Variants in CHD2 observed in about 807,000 individuals in gnomAD.
The protein encoded by CHD2 is chromodomain helicase DNA binding protein 2, also known as ATP-dependent chromatin remodeler CHD2.
Under a neutral mutation model 243.9 loss-of-function variants are expected in CHD2, and 28 were observed. The observed-to-expected ratio is 0.11, with a 90% CI of 0.09 to 0.16. The LOEUF is 0.16. Among genes scored for constraint, CHD2 ranks in the 10% least tolerant of loss-of-function variants. The probability of loss-of-function intolerance (pLI) is 1.00; values close to 1 mark genes in which losing one functional copy is unlikely to be tolerated. For synonymous variants in CHD2, 775 were observed against 779.0 expected (o/e 0.99, Z 0.09); for missense variants, 1,386 against 2,209.8 (o/e 0.63, Z 7.47).
At chr15:92,963,879 G>A (rs1449328456) in intron 16 of CHD2, among the ~76,000 whole-genome samples, 1 of 152,168 alleles carries the variant, frequency 6.6e-6, no homozygotes, top group Non-Finnish European at 1.5e-5. Flanking sequence ...GACACAGTGG[G>A]AACATCTGTG....
rs193017374 is a variant in CHD2 at position 92,939,972 on chromosome 15, A to G, written c.692+254A>G. ...ACACCACAAGTTCGTGTCCTGTCCA[A>G]TGGTGACTTAGTGGCATTATCTTCA... On this transcript the variant is annotated intron_variant, in intron 7 of 38. Coordinates refer to ENST00000394196, the MANE Select transcript of CHD2 (RefSeq NM_001271.4). Among the ~76,000 whole-genome samples, 33 of 152,320 alleles carry G rather than the reference A, an allele frequency of 2.2e-4. No individual in the cohort carries two copies. In the East Asian group the frequency reaches 2.3e-3, roughly 11 times the overall value.
intron 34 of CHD2, among the ~76,000 whole-genome samples, chr15:93,005,413 T>C (rs1452519914): frequency 6.6e-6 from 1 of 152,096 alleles, no homozygotes; most frequent in African/African-American, 2.4e-5. Flanking sequence ...TCAAGGTCCC[T>C]TTGCCCCTGG....
In CHD2 at chr15:92,941,750, G is replaced by C; in HGVS notation, c.693-72G>C. The C allele has an allele frequency of 2.7e-6, 4 of 1,458,738 alleles. No homozygotes were observed. The South Asian group carries it at 4.9e-5, about 18-fold the overall frequency. 90.4% of individuals were successfully genotyped at this position (1,458,738 alleles called of 1,614,324 possible). On this transcript the variant is annotated intron_variant, in intron 7 of 38. Coordinates refer to ENST00000394196, the MANE Select transcript of CHD2 (RefSeq NM_001271.4). ...CAAAAGGGTATGGTTTCTTATTCTA[G>C]TGACGGTTATGTGTGGCAGTTTAAT...
In CHD2 at chr15:92,900,721, T is replaced by TC; in HGVS notation, c.-174dup. 1 of 398,030 alleles carries TC rather than the reference T, an allele frequency of 2.5e-6. No homozygotes were observed. The highest frequency in any genetic ancestry group is 6.3e-4 in the Middle Eastern group (1 of 1,588). 24.7% of individuals were successfully genotyped at this position (398,030 alleles called of 1,614,324 possible). A position where few individuals can be genotyped will look rare whatever the true frequency, so the allele number is the denominator to read the frequency against. ...ATTTGAGGGTTATTTTATTTATTTT[T>TC]CGTTTTTTAACGGAGGATTTTGCCT... On this transcript the variant is annotated 5_prime_UTR_variant, in exon 1 of 39. Transcript: ENST00000394196.
intron 26 of CHD2, 77 bp downstream of exon 26, chr15:92,985,750 A>G: frequency 6.9e-7 from 1 of 1,454,452 alleles, no homozygotes; most frequent in African/African-American, 1.4e-5. Context: ...GATCCTGGAC[A>G]TCGTGACAGG....
At chr15:92,965,184 C>A (rs2053740505) in intron 16 of CHD2, 1 of 152,106 alleles carries the variant, frequency 6.6e-6, no homozygotes, top group African/African-American at 2.4e-5. Context: ...TTATACATCA[C>A]CACTATGACC....
At chr15:93,008,179 C>T (rs1048780370) in intron 34 of CHD2, among the ~76,000 whole-genome samples, 2 of 152,204 alleles carry the variant, frequency 1.3e-5, no homozygotes, top group African/African-American at 4.8e-5. Flanking sequence ...AGGCCTGGCT[C>T]CATCCACTCT....
rs750508601 is a variant in CHD2 at position 92,946,018 on chromosome 15, A to AT, written c.1199-12dup. On this transcript the variant is annotated intron_variant, in intron 11 of 38. Transcript: ENST00000394196. The stretch of plus-strand genomic sequence containing the variant: ...TTAATTGACAGTTGCTAATCTATAA[A>AT]TTTTTTTTATATGAAATAGCTCATA... 8.4e-6 allele frequency: 13 copies of AT among 1,542,726 alleles called. No individual in the cohort carries two copies. The highest frequency in any genetic ancestry group is 1.9e-4 in the Middle Eastern group (1 of 5,404).
At chr15:92,993,385 CA>C (rs779530683) in intron 28 of CHD2, 2 of 163,146 alleles carry the variant, frequency 1.2e-5, no homozygotes, top group Non-Finnish European at 2.7e-5. Context: ...TGCGTTATGG[CA>C]AACACAAAGG....
chr15:92,942,959 T>C lies in CHD2; in HGVS notation c.943T>C (p.Ser315Pro), dbSNP rs138279266. ...IQYLIKWKGW[S>P]YIHSTWESEE... ...GTACCTCATCAAGTGGAAGGGTTGG[T>C]CTTACATCCACAGCACATGGGAGAG... The change falls in exon 9 of 39, where the codon TCT (serine) becomes CCT (proline). Residue 315 changes from serine to proline, a missense_variant. Ser to Pro is a moderately conservative substitution (Grantham distance 74). This residue lies in a region of CHD2 where 200 missense variants were observed against 292.5 expected (regional missense o/e 0.68). Coordinates refer to ENST00000394196, the MANE Select transcript of CHD2 (RefSeq NM_001271.4). 1.2e-6 allele frequency: 2 copies of C among 1,614,066 alleles called. No individual in the cohort carries two copies. Among genetic ancestry groups the C allele is most frequent in the Non-Finnish European group, 1.7e-6 (2 of 1,179,962 alleles).
chr15:93,026,251 A>T lies in CHD2; in HGVS notation c.*1546A>T, dbSNP rs2054585974. The T allele has an allele frequency of 6.6e-6, 1 of 152,654 alleles. No homozygotes were observed. The highest frequency in any genetic ancestry group is 1.5e-5 in the Non-Finnish European group (1 of 68,044). 9.5% of individuals were successfully genotyped at this position (152,654 alleles called of 1,614,324 possible). ...AAGTGTCCAGGCTCAGAGCTGGTGA[A>T]AACCCTTCTGTTGGGCGTGTGCAGG... On this transcript the variant is annotated 3_prime_UTR_variant, in exon 39 of 39. Coordinates refer to ENST00000394196, the MANE Select transcript of CHD2 (RefSeq NM_001271.4).
intron 22 of CHD2, among the ~76,000 whole-genome samples, chr15:92,980,222 CT>C (rs55979414): frequency 0.028 from 3,451 of 124,870 alleles, 106 homozygotes; most frequent in East Asian, 0.089. Flanking sequence ...TTTTTTTTTT[CT>C]TTTTTTTTTT....
At chr15:93,011,559 T>G (rs1019103231) in intron 35 of CHD2, among the ~76,000 whole-genome samples, 1 of 152,152 alleles carries the variant, frequency 6.6e-6, no homozygotes, top group Non-Finnish European at 1.5e-5. Flanking sequence ...GCAGCAGGCT[T>G]ACTAGTTAGG....
At chr15:92,900,896 G>A in intron 1 of CHD2, 72 bp downstream of exon 1, 1 of 404,332 alleles carries the variant, frequency 2.5e-6, no homozygotes, top group Non-Finnish European at 4.3e-6. Context: ...CTGTAAATAC[G>A]AGAAATTCTT....
chr15:92,900,535 T>C lies in CHD2; in HGVS notation c.-361T>C. ...TTTTAGGAGCTTTCTTTTCGTGCCT[T>C]GTTGGAAAGAAGCAGCCGTACTGAG... On this transcript the variant is annotated 5_prime_UTR_variant, in exon 1 of 39. Transcript: ENST00000394196. The C allele has an allele frequency of 7.5e-6, 3 of 398,788 alleles. No homozygotes were observed. The highest frequency in any genetic ancestry group is 1.3e-5 in the Non-Finnish European group (3 of 226,056). The allele number at this position is 398,788 out of a possible 1,614,324, so 24.7% of individuals were successfully genotyped here.
intron 16 of CHD2, among the ~76,000 whole-genome samples, chr15:92,958,295 C>T (rs1456042158): frequency 1.3e-5 from 2 of 152,184 alleles, no homozygotes; most frequent in African/African-American, 2.4e-5. Context: ...TGATTCTAGC[C>T]GTTCTGGCGA....
chr15:92,918,092 T>G (rs1596374287), intron 2 of CHD2, among the ~76,000 whole-genome samples: 1 of 152,196 alleles, frequency 6.6e-6, no homozygotes, highest in Non-Finnish European at 1.5e-5. Flanking sequence ...GGCTGGCTCC[T>G]TTTAAGTGGA....
chr15:92,977,452 A>T (rs1272819067), intron 20 of CHD2, among the ~76,000 whole-genome samples: 2 of 152,214 alleles, frequency 1.3e-5, no homozygotes, highest in African/African-American at 4.8e-5. Flanking sequence ...CTACAAAGGC[A>T]TCAGCTTTTG....
rs890204315 is a variant in CHD2, at chr15:92,998,320, C to T, written c.3886-179C>T. On this transcript the variant is annotated intron_variant, in intron 30 of 38. Coordinates refer to ENST00000394196, the MANE Select transcript of CHD2 (RefSeq NM_001271.4). The surrounding 1 kb of genome is among the most constrained non-coding windows in gnomAD (Gnocchi z 5.1). ...CCCATTTTGTAAAATGAGAACGGCTCGTGAGGGATTTTCAGTGACTGGGAG... is the reference window on the plus strand; with the variant it reads ...CCCATTTTGTAAAATGAGAACGGCTTGTGAGGGATTTTCAGTGACTGGGAG... 4.1e-5 allele frequency: 55 copies of T among 1,342,804 alleles called. No homozygotes were observed. In the South Asian group the frequency reaches 7.1e-4, roughly 17 times the overall value. The allele number at this position is 1,342,804 out of a possible 1,614,324, so 83.2% of individuals were successfully genotyped here. A position where few individuals can be genotyped will look rare whatever the true frequency, so the allele number is the denominator to read the frequency against.
Sources: allele counts gnomAD v4.1 joint callset (sites outside exome capture counted in the v4.1 genomes callset), GRCh38; gene constraint gnomAD v4.1.1; regional missense constraint gnomAD v4.1.1; non-coding constraint Gnocchi (gnomAD v3.1); transcripts MANE v1.5; gene names NCBI Gene and HGNC (gene_info 2026-07-23, HGNC 2026-07-21).